FOXN4: variants seen among roughly 807,000 people sequenced by gnomAD.
FOXN4 encodes forkhead box protein N4.
A neutral mutation model predicts 45.0 loss-of-function variants in FOXN4; 12 were observed. That is an observed-to-expected ratio of 0.27 (90% CI 0.17 to 0.43). The LOEUF (loss-of-function observed/expected upper bound fraction) is 0.43, where lower values mean the gene tolerates loss of function less well. Ranked by LOEUF, FOXN4 falls within the 20% of genes least tolerant of loss-of-function variation. The pLI, the probability that FOXN4 is intolerant of heterozygous loss-of-function variation, is 1.00. For synonymous variants in FOXN4, 297 were observed against 295.0 expected (o/e 1.01, Z -0.07); for missense variants, 560 against 694.9 (o/e 0.81, Z 2.18).
chr12:109,289,126 G>A (rs144990825), intron 3 of FOXN4, among the ~76,000 whole-genome samples: 2 of 152,312 alleles, frequency 1.3e-5, no homozygotes, highest in African/African-American at 2.4e-5. Flanking sequence ...AATGTCCCAT[G>A]CAGGCAGTTC....
At chr12:109,286,571 G>C in intron 7 of FOXN4, 77 bp downstream of exon 7, 53 of 1,469,784 alleles carry the variant, frequency 3.6e-5, no homozygotes, top group Non-Finnish European at 4.9e-5. Context: ...GGTTGGCCCA[G>C]GGCCAGCCCT....
chr12:109,292,832 T>C (rs1291576221), intron 2 of FOXN4, among the ~76,000 whole-genome samples: 2 of 152,082 alleles, frequency 1.3e-5, no homozygotes, highest in Non-Finnish European at 2.9e-5. Flanking sequence ...AGTGGTCACT[T>C]CAATGCTGTC....
At position 109,288,928 on chromosome 12, in the gene FOXN4, C is replaced by A. The variant is rs2047741258; in HGVS notation, c.233-748G>T. Among the ~76,000 whole-genome samples the A allele has an allele frequency of 1.3e-5, 2 of 152,206 alleles. No individual in the cohort carries two copies. Among genetic ancestry groups the A allele is most frequent in the Non-Finnish European group, 2.9e-5 (2 of 68,052 alleles). ...TTTGTCTTGTCCTTCTCTCTCTGACCAGATCATCAGCTTTCTAAGAACTGG... is the reference window on the plus strand; with the variant it reads ...TTTGTCTTGTCCTTCTCTCTCTGACAAGATCATCAGCTTTCTAAGAACTGG... On this transcript the variant is annotated intron_variant, in intron 3 of 9. Transcript: ENST00000299162. This position sits in a 1 kb window ranked among gnomAD's most constrained non-coding sequence, Gnocchi z 4.3.
rs1301169792 is a variant in FOXN4 at position 109,279,045 on chromosome 12, GA to G, written c.*625del. 1 of 154,056 alleles carries G rather than the reference GA, an allele frequency of 6.5e-6. No homozygotes were observed. Among genetic ancestry groups the G allele is most frequent in the African/African-American group, 2.4e-5 (1 of 41,440 alleles). The allele number at this position is 154,056 out of a possible 1,614,324, so 9.5% of individuals were successfully genotyped here. On this transcript the variant is annotated 3_prime_UTR_variant, in exon 10 of 10. Transcript: ENST00000299162. ...GGTCACGGTACCCGGCATGGCCCAG[GA>G]ATCTGCGCTAATAAAATTCTAACAG...
chr12:109,290,421 C>G lies in FOXN4; in HGVS notation c.87-135G>C. On this transcript the variant is annotated intron_variant, in intron 2 of 9. Transcript: ENST00000299162. The surrounding 1 kb of genome is among the most constrained non-coding windows in gnomAD (Gnocchi z 5.1). Reference sequence around the variant, plus strand: ...CACGCCAGCCCTCCAACCTGCCCGTCCCCAGGACTGGACACGGGAACCTGG... The same window carrying G: ...CACGCCAGCCCTCCAACCTGCCCGTGCCCAGGACTGGACACGGGAACCTGG... The G allele has an allele frequency of 1.8e-6, 2 of 1,091,654 alleles. No individual in the cohort carries two copies. Among genetic ancestry groups the G allele is most frequent in the Non-Finnish European group, 2.6e-6 (2 of 783,282 alleles). 67.6% of individuals were successfully genotyped at this position (1,091,654 alleles called of 1,614,324 possible).
chr12:109,287,370 C>G lies in FOXN4; in HGVS notation c.596+27G>C. 1.9e-6 allele frequency: 3 copies of G among 1,551,158 alleles called. No individual in the cohort carries two copies. Among genetic ancestry groups the G allele is most frequent in the African/African-American group, 1.4e-5 (1 of 73,162 alleles). On this transcript the variant is annotated intron_variant, in intron 6 of 9. Transcript: ENST00000299162. This position sits in a 1 kb window ranked among gnomAD's most constrained non-coding sequence, Gnocchi z 4.1. The stretch of plus-strand genomic sequence containing the variant: ...CCTCTCTCCCGGAGCCGCCCTTGGC[C>G]CTGACCCGGCCCACCCTGGACCTCA...
At chr12:109,293,235 T>A (rs2047785355) in intron 2 of FOXN4, among the ~76,000 whole-genome samples, 1 of 152,098 alleles carries the variant, frequency 6.6e-6, no homozygotes, top group Non-Finnish European at 1.5e-5. Context: ...GCTCCCAATC[T>A]CACAGTCTGG....
At chr12:109,298,904 T>C (rs1419074030) in intron 2 of FOXN4, among the ~76,000 whole-genome samples, 1 of 152,182 alleles carries the variant, frequency 6.6e-6, no homozygotes, top group Non-Finnish European at 1.5e-5. Context: ...GGCCTCAGTT[T>C]CACTGTGTAG....
chr12:109,290,428 A>C lies in FOXN4; in HGVS notation c.87-142T>G. On this transcript the variant is annotated intron_variant, in intron 2 of 9. Coordinates refer to ENST00000299162, the MANE Select transcript of FOXN4 (RefSeq NM_213596.3). This position sits in a 1 kb window ranked among gnomAD's most constrained non-coding sequence, Gnocchi z 5.1. ...GCCCTCCAACCTGCCCGTCCCCAGGACTGGACACGGGAACCTGGTCCCAGA... is the reference window on the plus strand; with the variant it reads ...GCCCTCCAACCTGCCCGTCCCCAGGCCTGGACACGGGAACCTGGTCCCAGA... 1 of 1,011,330 alleles carries C rather than the reference A, an allele frequency of 9.9e-7. No homozygotes were observed. The highest frequency in any genetic ancestry group is 1.4e-6 in the Non-Finnish European group (1 of 710,912). 62.6% of individuals were successfully genotyped at this position (1,011,330 alleles called of 1,614,324 possible).
chr12:109,286,922 C>A, intron 6 of FOXN4, 178 bp from the exon 7 acceptor site: 3 of 1,415,548 alleles, frequency 2.1e-6, no homozygotes, highest in Non-Finnish European at 2.8e-6. Flanking sequence ...CTTTCCCACC[C>A]TTTGCCCTTT....
chr12:109,281,355 G>A (rs970848667), intron 9 of FOXN4, 52 bp downstream of exon 9: 21 of 1,595,764 alleles, frequency 1.3e-5, no homozygotes, highest in East Asian at 9.0e-5. Context: ...TTTGGCCCCC[G>A]GGCCTCTCCC....
chr12:109,298,180 T>G (rs1011897091), intron 2 of FOXN4, among the ~76,000 whole-genome samples: 2 of 152,110 alleles, frequency 1.3e-5, no homozygotes, highest in Admixed American at 1.3e-4. Flanking sequence ...GGAAGAGCTC[T>G]GTAAAACAGG....
intron 2 of FOXN4, among the ~76,000 whole-genome samples, chr12:109,293,460 C>T (rs1479483179): frequency 6.6e-6 from 1 of 152,208 alleles, no homozygotes; most frequent in East Asian, 1.9e-4. Context: ...GTGTTGGCTC[C>T]AAACCCCATA....
In FOXN4 at chr12:109,279,524, C is replaced by T. The variant is rs1234034166; in HGVS notation, c.*147G>A. 1.9e-5 allele frequency: 24 copies of T among 1,248,058 alleles called. No individual in the cohort carries two copies. Among genetic ancestry groups the T allele is most frequent in the Non-Finnish European group, 2.5e-5 (23 of 913,072 alleles). 77.3% of individuals were successfully genotyped at this position (1,248,058 alleles called of 1,614,324 possible). A position where few individuals can be genotyped will look rare whatever the true frequency, so the allele number is the denominator to read the frequency against. ...AAGGAGAGGGGCTGCTGAGGGGAACCGCTTCCCTGTCCAGCCGGCAACTTC... is the reference window on the plus strand; with the variant it reads ...AAGGAGAGGGGCTGCTGAGGGGAACTGCTTCCCTGTCCAGCCGGCAACTTC... On this transcript the variant is annotated 3_prime_UTR_variant, in exon 10 of 10. Transcript: ENST00000299162.
At chr12:109,308,197 A>G (rs1389423888) in intron 2 of FOXN4, 39 bp downstream of exon 2, 5 of 1,469,626 alleles carry the variant, frequency 3.4e-6, no homozygotes, top group Non-Finnish European at 4.6e-6. Context: ...ACTTTGAGCA[A>G]TTAAAAAATA....
intron 9 of FOXN4, among the ~76,000 whole-genome samples, chr12:109,280,766 G>A (rs1352810042): frequency 6.6e-6 from 1 of 152,216 alleles, no homozygotes; most frequent in Admixed American, 6.5e-5. Context: ...ACCTGTGCTA[G>A]TGAATGGATG....
chr12:109,291,045 G>T lies in FOXN4; in HGVS notation c.87-759C>A, dbSNP rs1445235682. Among the ~76,000 whole-genome samples, 1 of 152,144 alleles carries T rather than the reference G, an allele frequency of 6.6e-6. No individual in the cohort carries two copies. Among genetic ancestry groups the T allele is most frequent in the Non-Finnish European group, 1.5e-5 (1 of 68,016 alleles). On this transcript the variant is annotated intron_variant, in intron 2 of 9. Coordinates refer to ENST00000299162, the MANE Select transcript of FOXN4 (RefSeq NM_213596.3). This position sits in a 1 kb window ranked among gnomAD's most constrained non-coding sequence, Gnocchi z 6.6. ...CAGGAGGTGGTGGGGCTGAGACCCAGTCAGTGCCTCCTGAAGCCTGAGCCC... is the reference window on the plus strand; with the variant it reads ...CAGGAGGTGGTGGGGCTGAGACCCATTCAGTGCCTCCTGAAGCCTGAGCCC...
In FOXN4 at chr12:109,287,295, G is replaced by T; in HGVS notation, c.596+102C>A. ...ACTCCCCAAAACCTCCCCCTTGGAA[G>T]TCTGGGCTGCCACACTAGCTGTCTG... On this transcript the variant is annotated intron_variant, in intron 6 of 9. Coordinates refer to ENST00000299162, the MANE Select transcript of FOXN4 (RefSeq NM_213596.3). The surrounding 1 kb of genome is among the most constrained non-coding windows in gnomAD (Gnocchi z 4.1). 1.4e-6 allele frequency: 2 copies of T among 1,459,916 alleles called. No homozygotes were observed. Among genetic ancestry groups the T allele is most frequent in the Non-Finnish European group, 1.9e-6 (2 of 1,080,434 alleles). The allele number at this position is 1,459,916 out of a possible 1,614,324, so 90.4% of individuals were successfully genotyped here. A position where few individuals can be genotyped will look rare whatever the true frequency, so the allele number is the denominator to read the frequency against.
chr12:109,278,400 A>G lies in FOXN4; in HGVS notation c.*1271T>C, dbSNP rs2047624112. ...GCTTTGCTGGGAGAGCATTTTTCAC[A>G]TTTGACTAGCTCACTCCCCTGTCTC... On this transcript the variant is annotated 3_prime_UTR_variant, in exon 10 of 10. Coordinates refer to ENST00000299162, the MANE Select transcript of FOXN4 (RefSeq NM_213596.3). 1 of 152,184 alleles carries G rather than the reference A, an allele frequency of 6.6e-6. No individual in the cohort carries two copies. The highest frequency in any genetic ancestry group is 2.4e-5 in the African/African-American group (1 of 41,438). 9.4% of individuals were successfully genotyped at this position (152,184 alleles called of 1,614,324 possible).
Sources: gnomAD v4.1 joint callset for allele counts (sites outside exome capture counted in the v4.1 genomes callset) on GRCh38, gnomAD v4.1.1 for gene constraint, Gnocchi (gnomAD v3.1) non-coding constraint, MANE v1.5 for transcripts, NCBI Gene and HGNC (gene_info 2026-07-23, HGNC 2026-07-21) for gene names.